PAFAH2: variants seen among roughly 807,000 people sequenced by gnomAD.
PAFAH2 encodes the protein platelet-activating factor acetylhydrolase 2, cytoplasmic.
In PAFAH2, 42 loss-of-function variants were observed where a neutral mutation model predicts 49.0. The observed-to-expected ratio is 0.86, with a 90% CI of 0.67 to 1.11. The LOEUF (loss-of-function observed/expected upper bound fraction) is 1.11. Ranked by LOEUF, PAFAH2 falls within the 50% of genes least tolerant of loss-of-function variation. The pLI, the probability that PAFAH2 is intolerant of heterozygous loss-of-function variation, is 0.00. For missense variants in PAFAH2, 503 were observed against 501.8 expected (o/e 1.00, Z -0.02); for synonymous variants, 184 against 181.3 (o/e 1.01, Z -0.12).
At position 25,961,218 on chromosome 1, in the gene PAFAH2, C is replaced by T. The variant is rs974088990; in HGVS notation, c.*771G>A. The T allele has an allele frequency of 2.0e-5, 3 of 152,220 alleles. No homozygotes were observed. Among genetic ancestry groups the T allele is most frequent in the Admixed American group, 1.3e-4 (2 of 15,274 alleles). The allele number at this position is 152,220 out of a possible 1,614,324, so 9.4% of individuals were successfully genotyped here. ...GGCCTGTGCAAATGGCCATTTAACACTGTTGTTCTGTCATCTTCCCCATCT... is the reference window on the plus strand; with the variant it reads ...GGCCTGTGCAAATGGCCATTTAACATTGTTGTTCTGTCATCTTCCCCATCT... On this transcript the variant is annotated 3_prime_UTR_variant, in exon 11 of 11. Transcript: ENST00000374282.
chr1:25,970,423 A>G (rs1219204185), intron 10 of PAFAH2, among the ~76,000 whole-genome samples: 4 of 152,234 alleles, frequency 2.6e-5, no homozygotes, highest in African/African-American at 9.6e-5. Context: ...GGTTGCAGTG[A>G]GCTGAGATCA....
intron 7 of PAFAH2, among the ~76,000 whole-genome samples, chr1:25,979,651 C>A (rs551558003): frequency 2.9e-4 from 44 of 152,200 alleles, no homozygotes; most frequent in South Asian, 1.2e-3. Flanking sequence ...CCATGCCCAG[C>A]TAATTTTTTT....
At chr1:25,984,412 T>C in intron 5 of PAFAH2, 48 bp downstream of exon 5, 12 of 1,373,006 alleles carry the variant, frequency 8.7e-6, no homozygotes, top group Non-Finnish European at 9.3e-6. Context: ...GACTAGCCTA[T>C]ATCCTAGCTC....
chr1:25,975,673 A>G (rs747619856), intron 8 of PAFAH2, among the ~76,000 whole-genome samples: 8 of 152,018 alleles, frequency 5.3e-5, no homozygotes, highest in African/African-American at 9.7e-5. Context: ...CCTGACTCCA[A>G]TCACTTCTCT....
rs575949295 is a variant in PAFAH2, at chr1:25,979,873, G to A, written c.666+2491C>T. Among the ~76,000 whole-genome samples, 3 of 152,306 alleles carry A rather than the reference G, an allele frequency of 2.0e-5. No homozygotes were observed. In the South Asian group the frequency reaches 6.2e-4, roughly 32 times the overall value. ...ACTCCTGGGCTCAAGTGATCCACCCGACTCAGCCTCCCAAACTGTTGGGAT... is the reference window on the plus strand; with the variant it reads ...ACTCCTGGGCTCAAGTGATCCACCCAACTCAGCCTCCCAAACTGTTGGGAT... On this transcript the variant is annotated intron_variant, in intron 7 of 10. Transcript: ENST00000374282.
In PAFAH2 at chr1:25,988,880, G is replaced by C. The variant is rs567601939; in HGVS notation, c.245-553C>G. Among the ~76,000 whole-genome samples, 8 of 151,524 alleles carry C rather than the reference G, an allele frequency of 5.3e-5. No homozygotes were observed. In the East Asian group the frequency reaches 1.2e-3, roughly 22 times the overall value. On this transcript the variant is annotated intron_variant, in intron 3 of 10. Transcript: ENST00000374282. ...AGTCCAAAGTGGCAGTACTGAACCC[G>C]GGGTAAACTGCTGAGATGCCAAGGC...
intron 4 of PAFAH2, among the ~76,000 whole-genome samples, chr1:25,986,693 C>T (rs912634645): frequency 3.3e-5 from 5 of 151,970 alleles, no homozygotes; most frequent in African/African-American, 1.2e-4. Flanking sequence ...CCACACCTGG[C>T]TAATTTCTTG....
chr1:25,988,188 C>A (rs753424882), intron 4 of PAFAH2, 43 bp downstream of exon 4: 3 of 1,279,164 alleles, frequency 2.3e-6, no homozygotes, highest in Admixed American at 2.3e-5. Flanking sequence ...CAGCTGTCAC[C>A]AGGCAAGGAG....
intron 7 of PAFAH2, among the ~76,000 whole-genome samples, chr1:25,977,116 G>A (rs908940005): frequency 1.9e-4 from 28 of 145,148 alleles, no homozygotes; most frequent in Non-Finnish European, 3.6e-4. Flanking sequence ...TCCGCCTCCC[G>A]GGTTCACGCC....
rs761523202 is a variant in PAFAH2 at position 25,972,632 on chromosome 1, CG to C, written c.1009del (p.Arg337ValfsTer27). On this transcript the variant is annotated frameshift_variant, in exon 10 of 11. Coordinates refer to ENST00000374282, the MANE Select transcript of PAFAH2 (RefSeq NM_000437.4). LOFTEE classifies it high-confidence loss of function. ...CCCTTCATAGGGGTCCAGGCTCCCA[CG>C]GGTTTCAGTGGAGAAGAATTTACCA... ...LIGKFFSTET[R>X]GSLDPYEGQE... 3 of 1,613,812 alleles carry C rather than the reference CG, an allele frequency of 1.9e-6. No homozygotes were observed. Among genetic ancestry groups the C allele is most frequent in the Non-Finnish European group, 2.5e-6 (3 of 1,179,852 alleles).
Position 25,984,002 on chromosome 1 carries a change from T to TA in PAFAH2, c.495_496insT (p.Ile166TyrfsTer7). The TA allele has an allele frequency of 6.2e-7, 1 of 1,614,066 alleles. No homozygotes were observed. Among genetic ancestry groups the TA allele is most frequent in the Non-Finnish European group, 8.5e-7 (1 of 1,179,938 alleles). On this transcript the variant is annotated frameshift_variant, in exon 6 of 11. Transcript: ENST00000374282. LOFTEE classifies it high-confidence loss of function. The stretch of plus-strand genomic sequence containing the variant: ...CCTTCCTCAACTCGACGGAAAGGGA[T>TA]CCATTCCTCCTGCAGCGATTCATTG...
At chr1:25,991,916 G>A (rs986527832) in intron 1 of PAFAH2, among the ~76,000 whole-genome samples, 7 of 151,936 alleles carry the variant, frequency 4.6e-5, no homozygotes, top group African/African-American at 1.7e-4. Flanking sequence ...ACAAACAAAA[G>A]ACCCTGTTTT....
chr1:25,971,386 T>C (rs1001263505), intron 10 of PAFAH2, among the ~76,000 whole-genome samples: 3 of 152,090 alleles, frequency 2.0e-5, no homozygotes, highest in African/African-American at 7.2e-5. Context: ...AATATGGCAG[T>C]GAGCAGTGGG....
In PAFAH2 at chr1:25,961,008, T is replaced by C. The variant is rs1572333443; in HGVS notation, c.*981A>G. The C allele has an allele frequency of 6.6e-6, 1 of 152,162 alleles. No individual in the cohort carries two copies. Among genetic ancestry groups the C allele is most frequent in the African/African-American group, 2.4e-5 (1 of 41,438 alleles). The allele number at this position is 152,162 out of a possible 1,614,324, so 9.4% of individuals were successfully genotyped here. A position where few individuals can be genotyped will look rare whatever the true frequency, so the allele number is the denominator to read the frequency against. The stretch of plus-strand genomic sequence containing the variant: ...TTTTAGTAGAGACGGGGTTTCACCA[T>C]GTTGGCCAGGTGGTCTTGAACTCCT... On this transcript the variant is annotated 3_prime_UTR_variant, in exon 11 of 11. Transcript: ENST00000374282.
chr1:25,993,721 G>A (rs530155105), intron 1 of PAFAH2, among the ~76,000 whole-genome samples: 3 of 152,220 alleles, frequency 2.0e-5, no homozygotes, highest in African/African-American at 7.2e-5. Context: ...CTGAGACCCT[G>A]ACCTTTCCCC....
intron 1 of PAFAH2, among the ~76,000 whole-genome samples, chr1:25,995,018 A>G (rs888198890): frequency 5.9e-5 from 9 of 152,224 alleles, no homozygotes; most frequent in African/African-American, 2.2e-4. Context: ...CCAAAGAGAC[A>G]TTTACACAAA....
intron 4 of PAFAH2, among the ~76,000 whole-genome samples, chr1:25,986,870 C>G (rs1425193311): frequency 6.6e-6 from 1 of 151,992 alleles, no homozygotes; most frequent in Non-Finnish European, 1.5e-5. Flanking sequence ...TTCATTCACT[C>G]AACAAATATT....
intron 5 of PAFAH2, 125 bp from the exon 6 acceptor site, chr1:25,984,212 C>T: frequency 8.9e-6 from 10 of 1,125,678 alleles, no homozygotes; most frequent in Non-Finnish European, 1.0e-5. Context: ...GGAAGGAGAT[C>T]TGGGGCATGC....
At chr1:25,980,611 T>TTTGA (rs369555868) in intron 7 of PAFAH2, among the ~76,000 whole-genome samples, 2 of 74,206 alleles carry the variant, frequency 2.7e-5, no homozygotes, top group African/African-American at 6.3e-5. Flanking sequence ...TGGGCCATAT[T>TTTGA]TATATATATA....
Sources: allele counts gnomAD v4.1 joint callset (sites outside exome capture counted in the v4.1 genomes callset), GRCh38; gene constraint gnomAD v4.1.1; transcripts MANE v1.5; gene names NCBI Gene and HGNC (gene_info 2026-07-23, HGNC 2026-07-21).